The following CFAP54 variants were observed in gnomAD, a reference collection of about 807,000 sequenced individuals.
CFAP54 encodes cilia- and flagella-associated protein 54.
A neutral mutation model predicts 370.4 loss-of-function variants in CFAP54; 290 were observed. The ratio of observed to expected loss-of-function variants is 0.78; its 90% confidence interval spans 0.71 to 0.86. The LOEUF (loss-of-function observed/expected upper bound fraction) is 0.86. Among genes scored for constraint, CFAP54 ranks in the 40% least tolerant of loss-of-function variants. The pLI is 0.00. For synonymous variants in CFAP54, 1,206 were observed against 1,236.5 expected (o/e 0.98, Z 0.52); for missense variants, 3,399 against 3,528.7 (o/e 0.96, Z 0.93).
At chr12:96,669,578 C>T (rs1360152408) in intron 39 of CFAP54, among the ~76,000 whole-genome samples, 3 of 152,058 alleles carry the variant, frequency 2.0e-5, no homozygotes, top group Admixed American at 6.6e-5. Context: ...CTGGAGGTGG[C>T]GGATGGGTGA....
chr12:96,764,197 A>C lies in CFAP54; in HGVS notation c.8087A>C (p.Lys2696Thr), dbSNP rs1183749131. 3 of 1,613,466 alleles carry C rather than the reference A, an allele frequency of 1.9e-6. No homozygotes were observed. Among genetic ancestry groups the C allele is most frequent in the Admixed American group, 3.3e-5 (2 of 59,952 alleles). The change falls in exon 59 of 68, where the codon AAA becomes ACA. Residue 2696 changes from lysine (K) to threonine (T), a missense_variant. By Grantham distance (78) the Lys-to-Thr change is moderately conservative. This residue lies in a region of CFAP54 where 2,796 missense variants were observed against 2,869.7 expected (regional missense o/e 0.97). Transcript: ENST00000524981. ...SSSVKETSANKFEMYSSLAWI... is the reference protein window; with the variant it reads ...SSSVKETSANTFEMYSSLAWI... Reference sequence around the variant, plus strand: ...TCTGTTAAAGAAACATCAGCAAATAAATTTGAAATGTACAGTTCATTAGCC... The same window carrying C: ...TCTGTTAAAGAAACATCAGCAAATACATTTGAAATGTACAGTTCATTAGCC...
Position 96,519,201 on chromosome 12 carries a change from C to T in CFAP54, c.942+130C>T, listed in dbSNP as rs975732784. ...GCAACGTCCACCTCCCAGGTTCAAG[C>T]GATTCTCCTGCCTCAGCCTCCTGGG... On this transcript the variant is annotated intron_variant, in intron 6 of 67. Coordinates refer to ENST00000524981, the MANE Select transcript of CFAP54 (RefSeq NM_001306084.2). 46 of 843,610 alleles carry T rather than the reference C, an allele frequency of 5.5e-5. 1 individual carries two copies. The highest frequency in any genetic ancestry group is 6.4e-5 in the Non-Finnish European group (38 of 590,852). 52.3% of individuals were successfully genotyped at this position (843,610 alleles called of 1,614,324 possible). A position where few individuals can be genotyped will look rare whatever the true frequency, so the allele number is the denominator to read the frequency against.
chr12:96,685,519 G>C (rs1289489970), intron 42 of CFAP54, among the ~76,000 whole-genome samples: 3 of 151,178 alleles, frequency 2.0e-5, no homozygotes, highest in Non-Finnish European at 4.4e-5. Context: ...ATATGCAGCT[G>C]GCATTCAATA....
chr12:96,827,835 A>G (rs1421169803), intron 65 of CFAP54, among the ~76,000 whole-genome samples: 4 of 113,068 alleles, frequency 3.5e-5, no homozygotes, highest in African/African-American at 1.4e-4. Context: ...ATAGTTATAT[A>G]TAATATATAA....
At chr12:96,771,545 G>C (rs550096380) in intron 60 of CFAP54, among the ~76,000 whole-genome samples, 3 of 152,128 alleles carry the variant, frequency 2.0e-5, no homozygotes, top group Non-Finnish European at 4.4e-5. Flanking sequence ...CCAGCTACTC[G>C]GGAGGCTGAG....
intron 36 of CFAP54, among the ~76,000 whole-genome samples, chr12:96,655,131 C>T (rs1956907318): frequency 6.6e-6 from 1 of 150,664 alleles, no homozygotes; most frequent in Non-Finnish European, 1.5e-5. Flanking sequence ...TGATACTGAC[C>T]TAAAGAGAGA....
intron 67 of CFAP54, among the ~76,000 whole-genome samples, chr12:96,873,687 G>A (rs151292579): frequency 1.2e-3 from 181 of 152,314 alleles, no homozygotes; most frequent in African/African-American, 4.1e-3. Context: ...TGCCATTACA[G>A]TGCAAAAGCA....
At chr12:96,646,062 A>G (rs1956786515) in intron 33 of CFAP54, 1 of 152,300 alleles carries the variant, frequency 6.6e-6, no homozygotes, top group Non-Finnish European at 1.5e-5. Context: ...TGTCTAAAAC[A>G]CCAAAAGCAA....
intron 32 of CFAP54, among the ~76,000 whole-genome samples, chr12:96,639,922 C>T (rs574755752): frequency 5.3e-4 from 81 of 152,238 alleles, no homozygotes; most frequent in African/African-American, 1.8e-3. Context: ...ATTGATGGGA[C>T]GTATCTCAAA....
chr12:96,576,663 A>G lies in CFAP54; in HGVS notation c.2698A>G (p.Lys900Glu). ...CTATCAGAAATATTTGGAAAGTTCA[A>G]AAAGAAAGAAAAGCAGAGTCCCCCC... is the stretch of plus-strand genomic sequence containing the variant. ...YSYQKYLESS[K>E]RKKSRVPPPP... is the part of the protein sequence containing the mutation. The change falls in exon 20 of 68, where the codon AAA becomes GAA. Residue 900 changes from lysine (K) to glutamate (E), a missense_variant. Physicochemically the swap from Lys to Glu is moderately conservative, Grantham distance 56. This residue lies in a region of CFAP54 where 2,796 missense variants were observed against 2,869.7 expected (regional missense o/e 0.97). Coordinates refer to ENST00000524981, the MANE Select transcript of CFAP54 (RefSeq NM_001306084.2). The G allele has an allele frequency of 6.5e-7, 1 of 1,535,740 alleles. No homozygotes were observed. Among genetic ancestry groups the G allele is most frequent in the Non-Finnish European group, 8.7e-7 (1 of 1,146,622 alleles).
chr12:96,777,804 G>A (rs1419168594), intron 60 of CFAP54, among the ~76,000 whole-genome samples: 1 of 152,178 alleles, frequency 6.6e-6, no homozygotes, highest in African/African-American at 2.4e-5. Context: ...ACTTACCATT[G>A]CTTTTGTGCC....
At chr12:96,858,234 T>C (rs1340810121) in intron 66 of CFAP54, among the ~76,000 whole-genome samples, 1 of 152,230 alleles carries the variant, frequency 6.6e-6, no homozygotes, top group East Asian at 1.9e-4. Flanking sequence ...TTGATTTGCA[T>C]TTCTCTAATG....
chr12:96,760,054 A>G (rs1427939493), intron 58 of CFAP54, among the ~76,000 whole-genome samples: 1 of 152,208 alleles, frequency 6.6e-6, no homozygotes, highest in African/African-American at 2.4e-5. Context: ...GATCACAGAG[A>G]CTAGCAAGAG....
chr12:96,659,440 A>G (rs912441927), intron 38 of CFAP54, among the ~76,000 whole-genome samples: 3 of 152,188 alleles, frequency 2.0e-5, no homozygotes, highest in East Asian at 3.8e-4. Context: ...TAGAGCTGAC[A>G]ATACTTTCAG....
At chr12:96,870,774 G>C (rs1049750070) in intron 67 of CFAP54, among the ~76,000 whole-genome samples, 1 of 150,488 alleles carries the variant, frequency 6.6e-6, no homozygotes, top group Non-Finnish European at 1.5e-5. Flanking sequence ...TAACAATTTT[G>C]AACTCTGGAT....
intron 50 of CFAP54, among the ~76,000 whole-genome samples, chr12:96,723,795 A>G (rs1957790958): frequency 6.7e-6 from 1 of 148,346 alleles, no homozygotes; most frequent in Non-Finnish European, 1.5e-5. Flanking sequence ...GTCATTTAGC[A>G]TTAGGTATAT....
Position 96,623,552 on chromosome 12 carries a change from T to C in CFAP54, c.3772-215T>C, listed in dbSNP as rs111237457. Among the ~76,000 whole-genome samples, 712 of 152,294 alleles carry C rather than the reference T, an allele frequency of 4.7e-3. 7 individuals carry two copies. Among genetic ancestry groups the C allele is most frequent in the African/African-American group, 0.016 (660 of 41,572 alleles). ...AGGGAGAGAGAAAAGAAGCAGCATT[T>C]TGGTCAATCTCCGTGAAACACAGCA... On this transcript the variant is annotated intron_variant, in intron 27 of 67. Transcript: ENST00000524981.
chr12:96,547,290 A>G (rs1955650346), intron 14 of CFAP54, among the ~76,000 whole-genome samples: 1 of 152,146 alleles, frequency 6.6e-6, no homozygotes, highest in African/African-American at 2.4e-5. Flanking sequence ...GGTTCAAGCA[A>G]TTCTCCTGCC....
At chr12:96,614,419 C>A (rs1956393679) in intron 26 of CFAP54, among the ~76,000 whole-genome samples, 1 of 152,112 alleles carries the variant, frequency 6.6e-6, no homozygotes, top group Non-Finnish European at 1.5e-5. Context: ...ACTGAATGGG[C>A]AAAAACTGGA....
Sources: gnomAD v4.1 joint callset for allele counts (sites outside exome capture counted in the v4.1 genomes callset) on GRCh38, gnomAD v4.1.1 for gene constraint, gnomAD v4.1.1 regional missense constraint, MANE v1.5 for transcripts, NCBI Gene and HGNC (gene_info 2026-07-23, HGNC 2026-07-21) for gene names.